TUSC3: variants seen among roughly 807,000 people sequenced by gnomAD.
The protein encoded by TUSC3 is tumor suppressor candidate 3.
In TUSC3, 45 loss-of-function variants were observed where a neutral mutation model predicts 44.8. That is an observed-to-expected ratio of 1.00 (90% confidence interval 0.79 to 1.29). The LOEUF (loss-of-function observed/expected upper bound fraction) is 1.29. Among genes scored for constraint, TUSC3 ranks in the 50% most tolerant of loss-of-function variants. The pLI, the probability that TUSC3 is intolerant of heterozygous loss-of-function variation, is 0.00. For synonymous variants in TUSC3, 212 were observed against 152.9 expected (o/e 1.39, Z -2.85); for missense variants, 519 against 437.9 (o/e 1.19, Z -1.65).
the TUSC3 span, among the ~76,000 whole-genome samples, chr8:15,821,721 T>A: frequency 2.6e-5 from 4 of 152,156 alleles, no homozygotes; most frequent in African/African-American, 7.2e-5. Flanking sequence ...CTTCACAATC[T>A]GCCCCCTTTT....
intron 2 of TUSC3, among the ~76,000 whole-genome samples, chr8:15,494,731 C>G (rs976842044): frequency 6.6e-6 from 1 of 152,174 alleles, no homozygotes; most frequent in Non-Finnish European, 1.5e-5. Context: ...AATATCCAGA[C>G]AGAACGGACT....
chr8:15,609,165 C>A (rs572465442), intron 1 of TUSC3, among the ~76,000 whole-genome samples: 2 of 152,194 alleles, frequency 1.3e-5, no homozygotes, highest in South Asian at 4.1e-4. Context: ...CTCAATTTTA[C>A]AATTTATGAG....
At chr8:15,614,937 A>C (rs1462335870) in intron 1 of TUSC3, among the ~76,000 whole-genome samples, 1 of 7,082 alleles carries the variant, frequency 1.4e-4, no homozygotes, top group Admixed American at 7.7e-4. Flanking sequence ...AAAAAGACCA[A>C]AAAAAAAAAA....
chr8:15,751,931 A>T (rs1303749691), intron 9 of TUSC3, among the ~76,000 whole-genome samples: 6 of 152,152 alleles, frequency 3.9e-5, no homozygotes, highest in Non-Finnish European at 7.3e-5. Context: ...GTCTTAGGGA[A>T]CTAAGTGATA....
At chr8:15,616,392 A>G (rs898591025) in intron 1 of TUSC3, among the ~76,000 whole-genome samples, 5 of 152,166 alleles carry the variant, frequency 3.3e-5, no homozygotes, top group Non-Finnish European at 5.9e-5. Flanking sequence ...AGCCTGGCCA[A>G]CATGGCAAAA....
the TUSC3 span, among the ~76,000 whole-genome samples, chr8:15,809,379 C>A: frequency 6.6e-6 from 1 of 152,224 alleles, no homozygotes; most frequent in Admixed American, 6.5e-5. Flanking sequence ...CTATAATTAT[C>A]CTTGCCTATC....
At chr8:15,815,203 G>C in the TUSC3 span, among the ~76,000 whole-genome samples, 2 of 152,220 alleles carry the variant, frequency 1.3e-5, no homozygotes, top group South Asian at 2.1e-4. Context: ...TTCAAGGAAG[G>C]TATTGCACGA....
intron 1 of TUSC3, among the ~76,000 whole-genome samples, chr8:15,457,006 A>G (rs915008858): frequency 6.6e-6 from 1 of 152,150 alleles, no homozygotes; most frequent in African/African-American, 2.4e-5. Context: ...AAACTAGCAA[A>G]TGAACTCTAT....
chr8:15,786,575 T>C, the TUSC3 span, among the ~76,000 whole-genome samples: 1 of 152,128 alleles, frequency 6.6e-6, no homozygotes, highest in Non-Finnish European at 1.5e-5. Flanking sequence ...CCTGGTGCAT[T>C]TCTAGTTCCC....
chr8:15,454,043 G>A (rs1800225537), intron 1 of TUSC3, among the ~76,000 whole-genome samples: 1 of 152,158 alleles, frequency 6.6e-6, no homozygotes, highest in African/African-American at 2.4e-5. Flanking sequence ...CCTCAAATTA[G>A]CATGTGTACA....
chr8:15,650,615 C>T, intron 2 of TUSC3, 82 bp from the exon 3 acceptor site: 2 of 1,205,294 alleles, frequency 1.7e-6, no homozygotes, highest in South Asian at 1.2e-5. Context: ...CAGTGCTTGT[C>T]CTAGGGTTGT....
chr8:15,518,990 A>T (rs927780200), intron 2 of TUSC3, among the ~76,000 whole-genome samples: 1 of 152,224 alleles, frequency 6.6e-6, no homozygotes, highest in African/African-American at 2.4e-5. Context: ...AAATCTCTGT[A>T]TGCAAATAAA....
intron 2 of TUSC3, among the ~76,000 whole-genome samples, chr8:15,506,657 A>T (rs959328744): frequency 3.3e-5 from 5 of 152,262 alleles, no homozygotes; most frequent in African/African-American, 1.2e-4. Context: ...TGCCTTTATA[A>T]AATCATCGGA....
At chr8:15,539,656 A>G (rs984548031), upstream of TUSC3, among the ~76,000 whole-genome samples, 3 of 152,064 alleles carry the variant, frequency 2.0e-5, no homozygotes, top group Non-Finnish European at 4.4e-5. Context: ...CCAGTCTGCT[A>G]TGGTTCTTAA....
the TUSC3 span, among the ~76,000 whole-genome samples, chr8:15,817,347 T>A: frequency 8.7e-6 from 1 of 114,388 alleles, no homozygotes; most frequent in African/African-American, 2.6e-5. Flanking sequence ...AATTAAGACT[T>A]GAAAAAAAAA....
At chr8:15,549,269 A>G (rs1413077588) in intron 1 of TUSC3, among the ~76,000 whole-genome samples, 1 of 151,446 alleles carries the variant, frequency 6.6e-6, no homozygotes, top group African/African-American at 2.4e-5. Flanking sequence ...TGCCTCCCGG[A>G]TTCAAGTGAT....
intron 2 of TUSC3, among the ~76,000 whole-genome samples, chr8:15,636,261 T>A (rs752178879): frequency 6.6e-6 from 1 of 152,052 alleles, no homozygotes; most frequent in Non-Finnish European, 1.5e-5. Context: ...GGAACCTCTG[T>A]GAATTGAGGG....
chr8:15,478,604 A>T (rs1304149000), intron 1 of TUSC3, among the ~76,000 whole-genome samples: 2 of 152,134 alleles, frequency 1.3e-5, no homozygotes, highest in African/African-American at 2.4e-5. Context: ...AAAGGACATG[A>T]TCTCATTCCT....
intron 1 of TUSC3, among the ~76,000 whole-genome samples, chr8:15,442,261 A>AT (rs1177033735): frequency 1.3e-5 from 2 of 152,068 alleles, no homozygotes; most frequent in Admixed American, 1.3e-4. Context: ...TTTATTTATA[A>AT]TTTTAAGTTA....
Sources: gnomAD v4.1 joint callset for allele counts (sites outside exome capture counted in the v4.1 genomes callset) on GRCh38, gnomAD v4.1.1 for gene constraint, MANE v1.5 for transcripts, NCBI Gene and HGNC (gene_info 2026-07-23, HGNC 2026-07-21) for gene names.